CYP2S1: variants seen among roughly 807,000 people sequenced by gnomAD.
CYP2S1 encodes cytochrome P450 2S1.
CYP2S1 carries 32 observed loss-of-function variants against 43.5 expected under a neutral mutation model. The ratio of observed to expected loss-of-function variants is 0.74; its 90% CI spans 0.56 to 0.99. CYP2S1 has a LOEUF of 0.99. Among genes scored for constraint, CYP2S1 ranks in the 50% least tolerant of loss-of-function variants. The pLI, the probability that CYP2S1 is intolerant of heterozygous loss-of-function variation, is 0.00. For missense variants in CYP2S1, 575 were observed against 673.9 expected (o/e 0.85, Z 1.62); for synonymous variants, 283 against 302.9 (o/e 0.93, Z 0.68).
At chr19:41,196,523 G>A (rs1368866232) in intron 2 of CYP2S1, among the ~76,000 whole-genome samples, 5 of 152,076 alleles carry the variant, frequency 3.3e-5, no homozygotes, top group Non-Finnish European at 7.4e-5. Flanking sequence ...GGAGGTCCGC[G>A]GTGATGGACC....
intron 7 of CYP2S1, among the ~76,000 whole-genome samples, chr19:41,205,736 G>T: frequency 6.6e-6 from 1 of 151,928 alleles, no homozygotes; most frequent in Non-Finnish European, 1.5e-5. Context: ...TGCCCAGGCT[G>T]GTCTCAAACT....
chr19:41,205,394 TTC>T (rs1422249450), intron 7 of CYP2S1, among the ~76,000 whole-genome samples: 1 of 69,992 alleles, frequency 1.4e-5, no homozygotes, highest in Non-Finnish European at 2.9e-5. Flanking sequence ...CTCTCTCTCT[TTC>T]TTTCTCTCTT....
In CYP2S1 at chr19:41,194,532, C is replaced by G; in HGVS notation, c.178-12C>G. The G allele has an allele frequency of 2.5e-6, 4 of 1,569,036 alleles. No individual in the cohort carries two copies. The highest frequency in any genetic ancestry group is 3.4e-6 in the Non-Finnish European group (4 of 1,161,382). On this transcript the variant is annotated splice_polypyrimidine_tract_variant and intron_variant, in intron 1 of 8. Transcript: ENST00000310054. ...TCACAGCACCCTCCTCTTTCTTCCT[C>G]CCTACCCCCAGCTGAGTAAGAAGTA...
In CYP2S1 at chr19:41,198,348, C is replaced by A; in HGVS notation, c.494-114C>A. On this transcript the variant is annotated intron_variant, in intron 3 of 8. Coordinates refer to ENST00000310054, the MANE Select transcript of CYP2S1 (RefSeq NM_030622.8). This position sits in a 1 kb window ranked among gnomAD's most constrained non-coding sequence, Gnocchi z 4.9. ...TTGCCTGTTTAGCTCTCTCCCTGCG[C>A]TGTCCATCCATCTTTCCCTGCCTCC... is the stretch of plus-strand genomic sequence containing the variant. The A allele has an allele frequency of 7.3e-7, 1 of 1,368,110 alleles. No homozygotes were observed. The highest frequency in any genetic ancestry group is 1.0e-6 in the Non-Finnish European group (1 of 990,162). The allele number at this position is 1,368,110 out of a possible 1,614,324, so 84.7% of individuals were successfully genotyped here.
rs571674421 is a variant in CYP2S1 at position 41,195,682 on chromosome 19, G to A, written c.343+973G>A. The stretch of plus-strand genomic sequence containing the variant: ...AGCTGAGACTCATAAGATGAGTGGG[G>A]AGGGTGTTCCAGGCAGAAAGACCAG... On this transcript the variant is annotated intron_variant, in intron 2 of 8. Transcript: ENST00000310054. 2.0e-5 allele frequency among the ~76,000 whole-genome samples: 3 copies of A among 152,256 alleles called. No individual in the cohort carries two copies. The East Asian group carries it at 5.8e-4, about 29-fold the overall frequency.
intron 8 of CYP2S1, 26 bp from the exon 9 acceptor site, chr19:41,206,254 C>CCT (rs55800603): frequency 9.6e-5 from 147 of 1,527,976 alleles, no homozygotes; most frequent in Admixed American, 3.0e-4. Context: ...CTGACTCAGC[C>CCT]CTCTCTCTCT....
chr19:41,193,554 G>A, intron 1 of CYP2S1, 113 bp downstream of exon 1: 1 of 1,361,938 alleles, frequency 7.3e-7, no homozygotes. Flanking sequence ...AGGGGCAGGG[G>A]TCCCAAGGCA....
At chr19:41,205,499 C>T (rs1360496445) in intron 7 of CYP2S1, among the ~76,000 whole-genome samples, 1 of 150,362 alleles carries the variant, frequency 6.7e-6, no homozygotes, top group African/African-American at 2.4e-5. Flanking sequence ...CCCTTCCTCC[C>T]TTCCTCCCTT....
rs1217366113 is a variant in CYP2S1 at position 41,197,921 on chromosome 19, G to T, written c.486G>T (p.Gly162=). 2 of 1,612,250 alleles carry T rather than the reference G, an allele frequency of 1.2e-6. No homozygotes were observed. Among genetic ancestry groups the T allele is most frequent in the Non-Finnish European group, 1.7e-6 (2 of 1,179,378 alleles). ...GGTGTCTGGTGGAGACATTCCAGGG[G>T]ACAGAAGGTCAGCATGGCGGGGTCA... is the stretch of plus-strand genomic sequence containing the variant. ...EARCLVETFQ[G]TEGRPFDPSL... The change falls in exon 3 of 9, where the codon GGG becomes GGT. Residue 162 remains glycine (G), a synonymous_variant. Transcript: ENST00000310054.
chr19:41,205,429 T>G (rs955260666), intron 7 of CYP2S1, among the ~76,000 whole-genome samples: 10 of 122,696 alleles, frequency 8.2e-5, no homozygotes, highest in South Asian at 2.8e-4. Context: ...TCTCTCTCTC[T>G]CTCTTTCTTT....
intron 7 of CYP2S1, 100 bp downstream of exon 7, chr19:41,203,737 GTC>G (rs142778350): frequency 0.087 from 84,695 of 970,612 alleles, 1 homozygote; most frequent in South Asian, 0.14. Context: ...TGATCTTAGT[GTC>G]TCTCTCTCTC....
At position 41,198,543 on chromosome 19, in the gene CYP2S1, C is replaced by T; in HGVS notation, c.575C>T (p.Ser192Phe). ...VCSLLFGLRF[S>F]YEDKEFQAVV... The stretch of plus-strand genomic sequence containing the variant: ...TCCCTCCTCTTTGGCCTCCGCTTCT[C>T]CTATGAGGATAAGGAGTTCCAGGCC... Residue 192 changes from serine (S) to phenylalanine (F), a missense_variant, in exon 4 of 9, where the codon TCC becomes TTC. Ser to Phe is a radical substitution (Grantham distance 155). This residue lies in a region of CYP2S1 where 353 missense variants were observed against 367.6 expected (regional missense o/e 0.96). Transcript: ENST00000310054. This position sits in a 1 kb window ranked among gnomAD's most constrained non-coding sequence, Gnocchi z 4.9. 1.2e-6 allele frequency: 2 copies of T among 1,614,196 alleles called. No individual in the cohort carries two copies. Among genetic ancestry groups the T allele is most frequent in the Non-Finnish European group, 8.5e-7 (1 of 1,180,034 alleles).
intron 7 of CYP2S1, among the ~76,000 whole-genome samples, chr19:41,204,683 C>T (rs368900945): frequency 1.3e-5 from 2 of 151,010 alleles, no homozygotes; most frequent in African/African-American, 4.9e-5. Flanking sequence ...CTGCAACCTC[C>T]GCCTCCCAGG....
At position 41,193,222 on chromosome 19, in the gene CYP2S1, C is replaced by A. The variant is rs1220549361; in HGVS notation, c.-43C>A. 2.7e-6 allele frequency: 4 copies of A among 1,482,096 alleles called. No individual in the cohort carries two copies. Among genetic ancestry groups the A allele is most frequent in the Non-Finnish European group, 3.6e-6 (4 of 1,123,238 alleles). The allele number at this position is 1,482,096 out of a possible 1,614,324, so 91.8% of individuals were successfully genotyped here. ...GGCTCCCGCCCCTAACTAGCCCAGC[C>A]GCGCGGAGCGCCTGGGAGAGGAGAA... On this transcript the variant is annotated 5_prime_UTR_variant, in exon 1 of 9. Transcript: ENST00000310054.
Position 41,207,003 on chromosome 19 carries a change from C to T in CYP2S1, c.*515C>T. The T allele has an allele frequency of 2.8e-6, 1 of 359,634 alleles. No individual in the cohort carries two copies. Among genetic ancestry groups the T allele is most frequent in the South Asian group, 2.1e-5 (1 of 48,324 alleles). The allele number at this position is 359,634 out of a possible 1,614,324, so 22.3% of individuals were successfully genotyped here. A position where few individuals can be genotyped will look rare whatever the true frequency, so the allele number is the denominator to read the frequency against. Reference sequence around the variant, plus strand: ...TATGGCCCCAACTCATGCTCCCTCTCTTGGCTACACCACTCTCCCAGCCTG... The same window carrying T: ...TATGGCCCCAACTCATGCTCCCTCTTTTGGCTACACCACTCTCCCAGCCTG... On this transcript the variant is annotated 3_prime_UTR_variant, in exon 9 of 9. Transcript: ENST00000310054.
intron 1 of CYP2S1, among the ~76,000 whole-genome samples, chr19:41,194,181 A>G (rs2033379166): frequency 6.6e-6 from 1 of 151,928 alleles, no homozygotes; most frequent in South Asian, 2.1e-4. Context: ...CCAGAATTTC[A>G]GGGTTTTGTG....
intron 7 of CYP2S1, 42 bp downstream of exon 7, chr19:41,203,679 G>C (rs1316196724): frequency 6.8e-7 from 1 of 1,470,388 alleles, no homozygotes; most frequent in Non-Finnish European, 9.1e-7. Flanking sequence ...CTCTGCCTCG[G>C]GGCCTGAGCC....
chr19:41,206,353 C>T lies in CYP2S1; in HGVS notation c.1380C>T (p.Ala460=). The T allele has an allele frequency of 6.2e-7, 1 of 1,614,170 alleles. No individual in the cohort carries two copies. Among genetic ancestry groups the T allele is most frequent in the Non-Finnish European group, 8.5e-7 (1 of 1,180,040 alleles). The change falls in exon 9 of 9, where the codon GCC becomes GCT. Residue 460 remains alanine (A), a synonymous_variant. Coordinates refer to ENST00000310054, the MANE Select transcript of CYP2S1 (RefSeq NM_030622.8). ...LFLFFTTILQ[A]FSLESPCPPD... Reference sequence around the variant, plus strand: ...TCTTCTTCACCACCATCCTACAAGCCTTCTCCCTGGAGAGCCCGTGCCCGC... The same window carrying T: ...TCTTCTTCACCACCATCCTACAAGCTTTCTCCCTGGAGAGCCCGTGCCCGC...
Position 41,206,518 on chromosome 19 carries a change from C to T in CYP2S1, c.*30C>T, listed in dbSNP as rs771178713. ...AGGCAACTTGGAAGTGGTGGGTGCC[C>T]AGGACGGTGCCTCCAGCCTCAACAG... is the stretch of plus-strand genomic sequence containing the variant. On this transcript the variant is annotated 3_prime_UTR_variant, in exon 9 of 9. Coordinates refer to ENST00000310054, the MANE Select transcript of CYP2S1 (RefSeq NM_030622.8). 3.1e-6 allele frequency: 5 copies of T among 1,613,258 alleles called. No homozygotes were observed. Among genetic ancestry groups the T allele is most frequent in the Admixed American group, 1.7e-5 (1 of 59,998 alleles).
Sources: gnomAD v4.1 joint callset for allele counts (sites outside exome capture counted in the v4.1 genomes callset) on GRCh38, gnomAD v4.1.1 for gene constraint, gnomAD v4.1.1 regional missense constraint, Gnocchi (gnomAD v3.1) non-coding constraint, MANE v1.5 for transcripts, NCBI Gene and HGNC (gene_info 2026-07-23, HGNC 2026-07-21) for gene names.